Variants in GNG7 observed in about 807,000 individuals in gnomAD.
GNG7 encodes guanine nucleotide-binding protein G(I)/G(S)/G(O) subunit gamma-7.
A neutral mutation model predicts 4.0 loss-of-function variants in GNG7; 1 was observed. The observed-to-expected ratio is 0.25, with a 90% CI of 0.09 to 1.18. The LOEUF (loss-of-function observed/expected upper bound fraction) is 1.18, where lower values mean the gene tolerates loss of function less well. Ranked by LOEUF, GNG7 falls within the 50% of genes most tolerant of loss-of-function variation. The probability of loss-of-function intolerance (pLI) is 0.50; values close to 1 mark genes in which losing one functional copy is unlikely to be tolerated. For missense variants in GNG7, 86 were observed against 91.9 expected (o/e 0.94, Z 0.26); for synonymous variants, 34 against 36.9 (o/e 0.92, Z 0.29).
intron 2 of GNG7, among the ~76,000 whole-genome samples, chr19:2,616,583 C>T (rs1240784179): frequency 6.6e-6 from 1 of 152,084 alleles, no homozygotes; most frequent in Non-Finnish European, 1.5e-5. Flanking sequence ...TTGAGACCAG[C>T]CTGACCAACA....
intron 2 of GNG7, among the ~76,000 whole-genome samples, chr19:2,569,053 A>G (rs1235506009): frequency 6.6e-6 from 1 of 152,094 alleles, no homozygotes; most frequent in African/African-American, 2.4e-5. Context: ...ATATACACAG[A>G]AGCGCACACA....
rs969449365 is a variant in GNG7, at chr19:2,626,960, T to A, written c.-78+19264A>T. 2.0e-5 allele frequency among the ~76,000 whole-genome samples: 3 copies of A among 151,536 alleles called. No homozygotes were observed. Among genetic ancestry groups the A allele is most frequent in the African/African-American group, 7.3e-5 (3 of 41,184 alleles). ...TTTAATTATTTGGGAATAAACTGAG[T>A]GTCCTCCCTACTCACACCAGACACT... On this transcript the variant is annotated intron_variant, in intron 2 of 4. Transcript: ENST00000382159. This position sits in a 1 kb window ranked among gnomAD's most constrained non-coding sequence, Gnocchi z 5.0.
intron 2 of GNG7, among the ~76,000 whole-genome samples, chr19:2,598,410 C>CTACTCAGG (rs1568257695): frequency 6.6e-6 from 1 of 151,794 alleles, no homozygotes. Flanking sequence ...GTACTCCCAG[C>CTACTCAGG]ACTTTGGGAG....
intron 2 of GNG7, among the ~76,000 whole-genome samples, chr19:2,595,469 C>T (rs886551359): frequency 6.6e-5 from 10 of 152,004 alleles, no homozygotes; most frequent in Non-Finnish European, 1.3e-4. Flanking sequence ...TGCAGTGGCT[C>T]ATGCCTGTAA....
intron 1 of GNG7, among the ~76,000 whole-genome samples, chr19:2,680,651 C>T (rs897499726): frequency 6.7e-6 from 1 of 149,932 alleles, no homozygotes; most frequent in Non-Finnish European, 1.5e-5. Flanking sequence ...TCTCAGCCCA[C>T]TGCAACCTCC....
chr19:2,588,793 G>A (rs1226039116), intron 2 of GNG7, among the ~76,000 whole-genome samples: 2 of 152,086 alleles, frequency 1.3e-5, no homozygotes, highest in Non-Finnish European at 2.9e-5. Context: ...CCACCAGGTG[G>A]TCATCTTTCT....
At chr19:2,558,711 CTTCT>C (rs71178290) in intron 2 of GNG7, among the ~76,000 whole-genome samples, 1,926 of 151,850 alleles carry the variant, frequency 0.013, 15 homozygotes, top group Middle Eastern at 0.02. Flanking sequence ...TTTCTTTCCT[CTTCT>C]TTCTTTCTTT....
At chr19:2,622,895 C>T (rs1322672571) in intron 2 of GNG7, among the ~76,000 whole-genome samples, 2 of 152,242 alleles carry the variant, frequency 1.3e-5, no homozygotes, top group African/African-American at 4.8e-5. Flanking sequence ...TCACTTTCAC[C>T]GTGTATCATT....
chr19:2,673,576 C>G (rs1268226379), intron 1 of GNG7, among the ~76,000 whole-genome samples: 1 of 151,574 alleles, frequency 6.6e-6, no homozygotes, highest in African/African-American at 2.4e-5. Flanking sequence ...ACCTGAAATC[C>G]CAGCTACTTG....
At chr19:2,592,444 A>G (rs148380195) in intron 2 of GNG7, among the ~76,000 whole-genome samples, 2 of 152,254 alleles carry the variant, frequency 1.3e-5, no homozygotes, top group Admixed American at 6.5e-5. Context: ...GATGAAAGAA[A>G]TGAACAAAGG....
intron 1 of GNG7, among the ~76,000 whole-genome samples, chr19:2,693,140 G>A (rs913206632): frequency 6.0e-5 from 9 of 151,102 alleles, no homozygotes; most frequent in Admixed American, 4.6e-4. Flanking sequence ...AAAATTAGCC[G>A]GATATGGTGA....
At chr19:2,550,739 C>T (rs540695252) in intron 3 of GNG7, among the ~76,000 whole-genome samples, 14 of 152,310 alleles carry the variant, frequency 9.2e-5, no homozygotes, top group East Asian at 3.9e-4. Flanking sequence ...TTTTGGTTGC[C>T]GAGCCTCAGT....
chr19:2,640,637 T>C (rs1247318661), intron 2 of GNG7, among the ~76,000 whole-genome samples: 1 of 152,100 alleles, frequency 6.6e-6, no homozygotes, highest in Non-Finnish European at 1.5e-5. Context: ...TAGCTGTTGC[T>C]TTTTTTGGAG....
At chr19:2,581,764 GCTCTA>G (rs1980512176) in intron 2 of GNG7, among the ~76,000 whole-genome samples, 1 of 152,198 alleles carries the variant, frequency 6.6e-6, no homozygotes, top group Non-Finnish European at 1.5e-5. Flanking sequence ...TAAGGTGTAG[GCTCTA>G]CTCAAGATAG....
At chr19:2,556,037 C>CT (rs1230193566) in intron 2 of GNG7, among the ~76,000 whole-genome samples, 1 of 152,252 alleles carries the variant, frequency 6.6e-6, no homozygotes, top group East Asian at 1.9e-4. Context: ...GATCTGCCCC[C>CT]TCCAGCTTCG....
rs571117303 is a variant in GNG7 at position 2,540,475 on chromosome 19, G to A, written c.-38+14674C>T. On this transcript the variant is annotated intron_variant, in intron 3 of 4. Transcript: ENST00000382159. ...CTGTGCTCTAAGACTGATTCTTGCC[G>A]GGACCCTTAGCCCGACGGCGTGCCC... 4.6e-5 allele frequency among the ~76,000 whole-genome samples: 7 copies of A among 152,292 alleles called. No individual in the cohort carries two copies. In the South Asian group the frequency reaches 1.2e-3, roughly 27 times the overall value.
At chr19:2,672,483 G>A (rs958725964) in intron 1 of GNG7, among the ~76,000 whole-genome samples, 1 of 149,658 alleles carries the variant, frequency 6.7e-6, no homozygotes, top group African/African-American at 2.5e-5. Context: ...GTCTCACTCT[G>A]TCATCCAGGC....
At chr19:2,519,434 G>C (rs1568229547) in intron 4 of GNG7, among the ~76,000 whole-genome samples, 3 of 151,898 alleles carry the variant, frequency 2.0e-5, no homozygotes, top group Non-Finnish European at 4.4e-5. Flanking sequence ...GGAATTATAA[G>C]TGTGAGTCAC....
intron 2 of GNG7, among the ~76,000 whole-genome samples, chr19:2,602,921 CTTT>C (rs754283734): frequency 1.4e-5 from 2 of 147,162 alleles, no homozygotes; most frequent in Admixed American, 6.8e-5. Flanking sequence ...TTCTTTCTTT[CTTT>C]TTGTTTCTTC....
Sources: gnomAD v4.1 joint callset for allele counts (sites outside exome capture counted in the v4.1 genomes callset) on GRCh38, gnomAD v4.1.1 for gene constraint, Gnocchi (gnomAD v3.1) non-coding constraint, MANE v1.5 for transcripts, NCBI Gene and HGNC (gene_info 2026-07-23, HGNC 2026-07-21) for gene names.